Variants in IQSEC1 observed in about 807,000 individuals in gnomAD.
IQSEC1 encodes IQ motif and Sec7 domain ArfGEF 1.
IQSEC1 carries 31 observed loss-of-function variants against 91.0 expected under a neutral mutation model. That is an observed-to-expected ratio of 0.34 (90% CI 0.26 to 0.46). IQSEC1 has a LOEUF of 0.46. IQSEC1 is among the 20% of genes least tolerant of loss of function. The pLI, the probability that IQSEC1 is intolerant of heterozygous loss-of-function variation, is 1.00. For missense variants in IQSEC1, 1,388 were observed against 1,575.6 expected, an observed-to-expected ratio of 0.88 and a Z score of 2.02; for synonymous variants, 699 against 662.6, an observed-to-expected ratio of 1.05 and a Z score of -0.84.
intron 1 of IQSEC1, among the ~76,000 whole-genome samples, chr3:13,039,959 G>A (rs544025239): frequency 2.0e-4 from 30 of 152,298 alleles, no homozygotes; most frequent in African/African-American, 6.5e-4. Flanking sequence ...CCCGTGCTTT[G>A]GTTTCTTCAC....
intron 1 of IQSEC1, among the ~76,000 whole-genome samples, chr3:13,000,241 G>A (rs1342111252): frequency 3.3e-5 from 5 of 152,140 alleles, no homozygotes; most frequent in African/African-American, 9.7e-5. Flanking sequence ...AAAGATGTAC[G>A]ACCTTACACA....
chr3:13,162,043 T>TCC (rs1707187958), intron 2 of IQSEC1, among the ~76,000 whole-genome samples: 1 of 152,148 alleles, frequency 6.6e-6, no homozygotes, highest in Non-Finnish European at 1.5e-5. Flanking sequence ...GCTTTCCTGA[T>TCC]GATCCGCTGG....
At chr3:13,234,530 C>G (rs925897076) in intron 1 of IQSEC1, among the ~76,000 whole-genome samples, 15 of 152,220 alleles carry the variant, frequency 9.9e-5, no homozygotes, top group African/African-American at 3.6e-4. Flanking sequence ...CTAAGTACCC[C>G]CCTACCCCAT....
rs1705493293 is a variant in IQSEC1 at position 13,073,174 on chromosome 3, G to A, written c.-160C>T. ...GGGGGTGGCGGGCTCCTCCAGGGAG[G>A]CTGGGGCGGGAGCGGGGGGCGGCGC... On this transcript the variant is annotated 5_prime_UTR_variant, in exon 1 of 14. Transcript: ENST00000613206. The A allele has an allele frequency of 9.0e-6, 7 of 780,936 alleles. No individual in the cohort carries two copies. The highest frequency in any genetic ancestry group is 8.8e-5 in the East Asian group (3 of 34,028). The allele number at this position is 780,936 out of a possible 1,614,324, so 48.4% of individuals were successfully genotyped here.
chr3:13,075,809 A>T (rs1020256449), upstream of IQSEC1, among the ~76,000 whole-genome samples: 5 of 152,188 alleles, frequency 3.3e-5, no homozygotes, highest in African/African-American at 1.2e-4. Context: ...GGCACAGAGG[A>T]GGCTCCAAAA....
chr3:13,013,293 G>A (rs1040420855), intron 1 of IQSEC1, among the ~76,000 whole-genome samples: 3 of 152,110 alleles, frequency 2.0e-5, no homozygotes, highest in African/African-American at 7.2e-5. Context: ...GCTCCCACAC[G>A]CTGAGTACAG....
At position 13,055,516 on chromosome 3, in the gene IQSEC1, T is replaced by C. The variant is rs374180514; in HGVS notation, c.23+17476A>G. ...ACAGGAGATATTCTCCTCCCCACTT[T>C]ACAGATGTGAAAACGGAGGCACCTA... On this transcript the variant is annotated intron_variant, in intron 1 of 13. Transcript: ENST00000613206. Among the ~76,000 whole-genome samples, 58 of 152,326 alleles carry C rather than the reference T, an allele frequency of 3.8e-4. 2 individuals carry two copies. The South Asian group carries it at 8.3e-3, about 22-fold the overall frequency.
chr3:12,954,372 A>C (rs1313903647), intron 1 of IQSEC1, among the ~76,000 whole-genome samples: 1 of 152,120 alleles, frequency 6.6e-6, no homozygotes, highest in Non-Finnish European at 1.5e-5. Flanking sequence ...CTCGCATGGG[A>C]AAGAGCCCGA....
At position 12,909,156 on chromosome 3, in the gene IQSEC1, G is replaced by T; in HGVS notation, c.2578+117C>A. The stretch of plus-strand genomic sequence containing the variant: ...CATCATGTGGCCATAGGGAAGGCCA[G>T]AAAAGACTGGGGGACATCTTGTCTC... On this transcript the variant is annotated intron_variant, in intron 11 of 13. Coordinates refer to ENST00000613206, the MANE Select transcript of IQSEC1 (RefSeq NM_001134382.3). This position sits in a 1 kb window ranked among gnomAD's most constrained non-coding sequence, Gnocchi z 4.9. 1 of 1,143,052 alleles carries T rather than the reference G, an allele frequency of 8.7e-7. No homozygotes were observed. The highest frequency in any genetic ancestry group is 1.5e-5 in the South Asian group (1 of 68,956). The allele number at this position is 1,143,052 out of a possible 1,614,324, so 70.8% of individuals were successfully genotyped here.
chr3:13,067,925 C>T (rs1268049696), intron 1 of IQSEC1, among the ~76,000 whole-genome samples: 1 of 152,220 alleles, frequency 6.6e-6, no homozygotes, highest in African/African-American at 2.4e-5. Flanking sequence ...CACAGGGGGC[C>T]TTGGGGGGCT....
chr3:13,200,582 G>A lies in IQSEC1; in HGVS notation c.273-36449C>T, dbSNP rs148774221. Among the ~76,000 whole-genome samples, 25 of 152,372 alleles carry A rather than the reference G, an allele frequency of 1.6e-4. No homozygotes were observed. The East Asian group carries it at 3.9e-3, about 23-fold the overall frequency. On this transcript the variant is annotated intron_variant, in intron 1 of 15. Transcript: ENST00000648114. ...CTGAGCGCCCCAGGTCAGGGTGAAC[G>A]CCTGGCAGGGAAGTGCACCTGACTC...
chr3:13,152,936 A>G (rs919715730), intron 2 of IQSEC1, among the ~76,000 whole-genome samples: 3 of 152,142 alleles, frequency 2.0e-5, no homozygotes, highest in Non-Finnish European at 2.9e-5. Context: ...TTTCTCTCTC[A>G]GGAGACAGCC....
intron 2 of IQSEC1, among the ~76,000 whole-genome samples, chr3:13,118,902 G>A (rs544046836): frequency 2.6e-4 from 40 of 152,144 alleles, no homozygotes; most frequent in African/African-American, 9.4e-4. Flanking sequence ...GTGAAACCCC[G>A]TCACTACTAA....
intron 1 of IQSEC1, among the ~76,000 whole-genome samples, chr3:13,044,492 C>T (rs1279839186): frequency 1.3e-5 from 2 of 152,178 alleles, no homozygotes; most frequent in African/African-American, 4.8e-5. Context: ...ATAATACAGT[C>T]GGGGAGTGCG....
At chr3:13,163,415 A>T (rs142243906) in intron 2 of IQSEC1, among the ~76,000 whole-genome samples, 2,804 of 152,142 alleles carry the variant, frequency 0.018, 39 homozygotes, top group Middle Eastern at 0.041. Flanking sequence ...TCTCCTTCGC[A>T]TCCCCAGCCT....
At chr3:13,198,094 T>C (rs57564446) in intron 1 of IQSEC1, among the ~76,000 whole-genome samples, 1,547 of 152,110 alleles carry the variant, frequency 0.01, 31 homozygotes, top group African/African-American at 0.036. Context: ...TGGAGGAGAA[T>C]TGTGTGAAGA....
chr3:13,019,648 C>T (rs1483415255), intron 1 of IQSEC1, among the ~76,000 whole-genome samples: 1 of 152,212 alleles, frequency 6.6e-6, no homozygotes, highest in Admixed American at 6.5e-5. Context: ...GAGTGCTTCT[C>T]TTGGAGCCCA....
intron 2 of IQSEC1, among the ~76,000 whole-genome samples, chr3:13,135,008 C>T (rs1020494591): frequency 3.9e-5 from 6 of 152,146 alleles, no homozygotes; most frequent in African/African-American, 1.2e-4. Context: ...AGGCAGAGCT[C>T]GGGCCTGGTC....
In IQSEC1 at chr3:13,064,821, C is replaced by T. The variant is rs565444851; in HGVS notation, c.23+8171G>A. Among the ~76,000 whole-genome samples the T allele has an allele frequency of 2.6e-5, 4 of 152,214 alleles. No individual in the cohort carries two copies. The East Asian group carries it at 7.7e-4, about 29-fold the overall frequency. ...TCTGTGTGGATTCTTGGTGTGGGGG[C>T]CTGTCCTGCACAACCTAGGCTGGCC... is the stretch of plus-strand genomic sequence containing the variant. On this transcript the variant is annotated intron_variant, in intron 1 of 13. Coordinates refer to ENST00000613206, the MANE Select transcript of IQSEC1 (RefSeq NM_001134382.3).
Sources: gnomAD v4.1 joint callset for allele counts (sites outside exome capture counted in the v4.1 genomes callset) on GRCh38, gnomAD v4.1.1 for gene constraint, Gnocchi (gnomAD v3.1) non-coding constraint, MANE v1.5 for transcripts, NCBI Gene and HGNC (gene_info 2026-07-23, HGNC 2026-07-21) for gene names.